The following CRTC3 variants were observed in gnomAD, a reference collection of about 807,000 sequenced individuals.
The protein encoded by CRTC3 is CREB regulated transcription coactivator 3.
Under a neutral mutation model 74.5 loss-of-function variants are expected in CRTC3, and 26 were observed. The ratio of observed to expected loss-of-function variants is 0.35; its 90% CI spans 0.26 to 0.48. The LOEUF (loss-of-function observed/expected upper bound fraction) is 0.48, where lower values mean the gene tolerates loss of function less well. Among genes scored for constraint, CRTC3 ranks in the 20% least tolerant of loss-of-function variants. The pLI is 0.99. For synonymous variants in CRTC3, 377 were observed against 325.8 expected (o/e 1.16, Z -1.69); for missense variants, 760 against 787.3 (o/e 0.97, Z 0.41).
chr15:90,601,828 CA>C (rs1282745432), intron 3 of CRTC3, among the ~76,000 whole-genome samples: 8 of 152,182 alleles, frequency 5.3e-5, no homozygotes, highest in African/African-American at 1.9e-4. Flanking sequence ...AGGCTTTCTC[CA>C]AGGTGAAGAC....
chr15:90,557,253 T>C (rs1434905054), intron 2 of CRTC3, among the ~76,000 whole-genome samples: 1 of 152,066 alleles, frequency 6.6e-6, no homozygotes, highest in East Asian at 1.9e-4. Flanking sequence ...TACTTCTAGG[T>C]AGGACCGCCT....
chr15:90,641,854 T>A, intron 14 of CRTC3, 78 bp from the exon 15 acceptor site: 1 of 1,217,980 alleles, frequency 8.2e-7, no homozygotes, highest in Admixed American at 1.7e-5. Context: ...GGGACTGTCA[T>A]CAGCTGGGTT....
intron 2 of CRTC3, among the ~76,000 whole-genome samples, chr15:90,580,724 G>A (rs531358375): frequency 1.2e-4 from 19 of 152,064 alleles, no homozygotes; most frequent in South Asian, 4.2e-4. Context: ...CACTGCACCC[G>A]GCCCACTGGT....
chr15:90,631,741 A>T (rs1047105061), intron 11 of CRTC3, among the ~76,000 whole-genome samples: 15 of 150,418 alleles, frequency 1.0e-4, no homozygotes, highest in Admixed American at 2.0e-4. Flanking sequence ...AAAAAAAAAA[A>T]TTAGAATTAA....
At position 90,530,193 on chromosome 15, in the gene CRTC3, CCCTGTCG is replaced by C; in HGVS notation, c.124_130del (p.Leu42GlyfsTer23). The C allele has an allele frequency of 7.8e-7, 1 of 1,285,702 alleles. No individual in the cohort carries two copies. The highest frequency in any genetic ancestry group is 1.0e-6 in the Non-Finnish European group (1 of 991,888). The allele number at this position is 1,285,702 out of a possible 1,614,324, so 79.6% of individuals were successfully genotyped here. ...TTCGAGCAGCTCATGACCGACCTCACCCTGTCGCGGGTGAGGGCCCGGGCCGGCGCGG... is the reference window on the plus strand; with the variant it reads ...TTCGAGCAGCTCATGACCGACCTCACCGGGTGAGGGCCCGGGCCGGCGCGG... On this transcript the variant is annotated frameshift_variant, in exon 1 of 15. Transcript: ENST00000268184. LOFTEE classifies it high-confidence loss of function. This position sits in a 1 kb window ranked among gnomAD's most constrained non-coding sequence, Gnocchi z 6.2.
Position 90,643,597 on chromosome 15 carries a change from C to G in CRTC3, c.*1457C>G, listed in dbSNP as rs1969526094. 4.3e-6 allele frequency: 1 copy of G among 230,232 alleles called. No homozygotes were observed. The allele number at this position is 230,232 out of a possible 1,614,324, so 14.3% of individuals were successfully genotyped here. A position where few individuals can be genotyped will look rare whatever the true frequency, so the allele number is the denominator to read the frequency against. The stretch of plus-strand genomic sequence containing the variant: ...AAATAGTTTATAGTAAAACGAAGGC[C>G]TAATTCATGGAAGCATCATTAGTCA... On this transcript the variant is annotated 3_prime_UTR_variant, in exon 15 of 15. Coordinates refer to ENST00000268184, the MANE Select transcript of CRTC3 (RefSeq NM_022769.5).
At chr15:90,637,272 G>A (rs942601403) in intron 11 of CRTC3, among the ~76,000 whole-genome samples, 27 of 152,188 alleles carry the variant, frequency 1.8e-4, no homozygotes, top group African/African-American at 6.5e-4. Context: ...GATGAAGCTG[G>A]AAACCATCAT....
chr15:90,578,746 C>T (rs897691212), intron 2 of CRTC3, among the ~76,000 whole-genome samples: 6 of 151,972 alleles, frequency 3.9e-5, no homozygotes, highest in Admixed American at 3.3e-4. Context: ...CGAAGGGGAG[C>T]GAGAATTGAG....
At chr15:90,576,504 C>T (rs1246765243) in intron 2 of CRTC3, among the ~76,000 whole-genome samples, 1 of 151,748 alleles carries the variant, frequency 6.6e-6, no homozygotes, top group African/African-American at 2.4e-5. Context: ...GAGTGTGGTC[C>T]AGTGGGCTGT....
intron 2 of CRTC3, among the ~76,000 whole-genome samples, chr15:90,583,143 T>C (rs1344244735): frequency 6.6e-6 from 1 of 152,160 alleles, no homozygotes; most frequent in East Asian, 1.9e-4. Context: ...ACCCAGCCAT[T>C]ATTTCTTATT....
At chr15:90,632,295 GA>G (rs1969068204) in intron 11 of CRTC3, among the ~76,000 whole-genome samples, 1 of 151,978 alleles carries the variant, frequency 6.6e-6, no homozygotes, top group South Asian at 2.1e-4. Flanking sequence ...TTAATATTTA[GA>G]TTTTTTTTAA....
Position 90,530,292 on chromosome 15 carries a change from G to A in CRTC3, c.132+89G>A. On this transcript the variant is annotated intron_variant, in intron 1 of 14. Transcript: ENST00000268184. This position sits in a 1 kb window ranked among gnomAD's most constrained non-coding sequence, Gnocchi z 6.2. ...TGAGAGGTTGCGGGGCCAAGGCGATGGCGGGGCCGGGCGGGGGCCGCGCCC... is the reference window on the plus strand; with the variant it reads ...TGAGAGGTTGCGGGGCCAAGGCGATAGCGGGGCCGGGCGGGGGCCGCGCCC... 1 of 753,962 alleles carries A rather than the reference G, an allele frequency of 1.3e-6. No individual in the cohort carries two copies. Among genetic ancestry groups the A allele is most frequent in the Non-Finnish European group, 1.6e-6 (1 of 618,222 alleles). The allele number at this position is 753,962 out of a possible 1,614,324, so 46.7% of individuals were successfully genotyped here.
chr15:90,570,077 CA>C (rs1319142898), intron 2 of CRTC3, among the ~76,000 whole-genome samples: 3 of 152,178 alleles, frequency 2.0e-5, no homozygotes, highest in Admixed American at 6.5e-5. Context: ...AAAAGGAATA[CA>C]ATTATATGGA....
intron 2 of CRTC3, among the ~76,000 whole-genome samples, chr15:90,587,247 C>T (rs907081856): frequency 3.9e-5 from 6 of 152,212 alleles, no homozygotes; most frequent in African/African-American, 1.2e-4. Flanking sequence ...TCTCATCTAA[C>T]TGAGCTCTAG....
chr15:90,633,694 G>C (rs183400323), intron 11 of CRTC3, among the ~76,000 whole-genome samples: 1 of 146,506 alleles, frequency 6.8e-6, no homozygotes, highest in Non-Finnish European at 1.5e-5. Flanking sequence ...CTTCCCTTCA[G>C]TTTTCTCTGT....
intron 8 of CRTC3, among the ~76,000 whole-genome samples, chr15:90,618,394 T>C (rs1262648618): frequency 1.3e-5 from 2 of 152,196 alleles, no homozygotes; most frequent in Non-Finnish European, 2.9e-5. Context: ...GCATTTGACC[T>C]GAGTCCTCCA....
intron 2 of CRTC3, among the ~76,000 whole-genome samples, chr15:90,590,671 C>T (rs1263483783): frequency 1.3e-5 from 2 of 151,982 alleles, no homozygotes; most frequent in East Asian, 1.9e-4. Context: ...AGACTTAGCT[C>T]CTTCAGTTTC....
intron 2 of CRTC3, among the ~76,000 whole-genome samples, chr15:90,548,970 C>T (rs1966849359): frequency 6.6e-6 from 1 of 152,136 alleles, no homozygotes; most frequent in African/African-American, 2.4e-5. Flanking sequence ...GGTAAGATAC[C>T]TTTCTAGATA....
chr15:90,580,278 G>A (rs574456173), intron 2 of CRTC3, among the ~76,000 whole-genome samples: 1 of 152,094 alleles, frequency 6.6e-6, no homozygotes, highest in African/African-American at 2.4e-5. Context: ...GCCAGGAGAG[G>A]ATAGCATTAT....
Sources: gnomAD v4.1 joint callset for allele counts (sites outside exome capture counted in the v4.1 genomes callset) on GRCh38, gnomAD v4.1.1 for gene constraint, Gnocchi (gnomAD v3.1) non-coding constraint, MANE v1.5 for transcripts, NCBI Gene and HGNC (gene_info 2026-07-23, HGNC 2026-07-21) for gene names.